MAP3K7CL: variants seen among roughly 807,000 people sequenced by gnomAD.
MAP3K7CL encodes MAP3K7 C-terminal-like protein.
MAP3K7CL carries 16 observed loss-of-function variants against 18.6 expected under a neutral mutation model. The observed-to-expected ratio is 0.86, with a 90% CI of 0.58 to 1.31. The LOEUF is 1.31. Ranked by LOEUF, MAP3K7CL falls within the 50% of genes most tolerant of loss-of-function variation. The probability of loss-of-function intolerance (pLI) is 0.00; values close to 1 mark genes in which losing one functional copy is unlikely to be tolerated. For synonymous variants in MAP3K7CL, 65 were observed against 66.8 expected, an observed-to-expected ratio of 0.97 and a Z score of 0.13; for missense variants, 163 against 174.4, an observed-to-expected ratio of 0.93 and a Z score of 0.37.
chr21:29,109,410 C>T, intron 4 of MAP3K7CL: 1 of 1,321,608 alleles, frequency 7.6e-7, no homozygotes, highest in South Asian at 2.0e-5. Context: ...AATGCTCAGC[C>T]AGGAGGTGTT....
intron 4 of MAP3K7CL, among the ~76,000 whole-genome samples, chr21:29,100,700 CTTTTTTTTTTTTTT>C (rs34749282): frequency 4.4e-5 from 3 of 68,690 alleles, no homozygotes; most frequent in Admixed American, 4.0e-4. Flanking sequence ...AAACAGCAAA[CTTTTTTTTTTTTTT>C]TTTTTTTTTT....
At chr21:29,121,801 G>A (rs1345481859) in intron 4 of MAP3K7CL, among the ~76,000 whole-genome samples, 1 of 151,580 alleles carries the variant, frequency 6.6e-6, no homozygotes, top group Non-Finnish European at 1.5e-5. Context: ...TAAGAGGCTT[G>A]TATTCATGGA....
At chr21:29,131,573 T>A (rs1334900520) in intron 1 of MAP3K7CL, 2 of 152,194 alleles carry the variant, frequency 1.3e-5, no homozygotes, top group Non-Finnish European at 2.9e-5. Flanking sequence ...TACTCTTTTT[T>A]AAAATTAAAT....
intron 4 of MAP3K7CL, among the ~76,000 whole-genome samples, chr21:29,097,025 C>A (rs1370974653): frequency 6.6e-6 from 1 of 152,130 alleles, no homozygotes; most frequent in Non-Finnish European, 1.5e-5. Flanking sequence ...CTTGGAAGAG[C>A]ACCATTTTTA....
At chr21:29,087,172 AGT>A (rs944896072) in intron 1 of MAP3K7CL, among the ~76,000 whole-genome samples, 12 of 152,038 alleles carry the variant, frequency 7.9e-5, no homozygotes, top group Admixed American at 6.5e-4. Context: ...CCCAGACCTT[AGT>A]GTGGTTGATG....
At chr21:29,116,758 CT>C (rs2146576246) in intron 4 of MAP3K7CL, among the ~76,000 whole-genome samples, 1 of 152,244 alleles carries the variant, frequency 6.6e-6, no homozygotes, top group African/African-American at 2.4e-5. Flanking sequence ...TAATTAGGCT[CT>C]TCAAAGAGTT....
chr21:29,110,569 A>T (rs1217488083), intron 4 of MAP3K7CL, among the ~76,000 whole-genome samples: 1 of 151,826 alleles, frequency 6.6e-6, no homozygotes, highest in Admixed American at 6.6e-5. Context: ...CCTAATTCTT[A>T]TATTTTTAGT....
At chr21:29,143,457 T>C (rs1238167045) in intron 2 of MAP3K7CL, among the ~76,000 whole-genome samples, 1 of 151,808 alleles carries the variant, frequency 6.6e-6, no homozygotes, top group Non-Finnish European at 1.5e-5. Context: ...AGTTTCACTC[T>C]TGTTGCCCAG....
chr21:29,148,388 G>A (rs2087193042), intron 2 of MAP3K7CL, among the ~76,000 whole-genome samples: 1 of 152,106 alleles, frequency 6.6e-6, no homozygotes, highest in African/African-American at 2.4e-5. Flanking sequence ...CTGCTTTCTA[G>A]CACCAAGGCT....
At chr21:29,150,563 G>A (rs2087244865) in intron 3 of MAP3K7CL, among the ~76,000 whole-genome samples, 1 of 152,160 alleles carries the variant, frequency 6.6e-6, no homozygotes, top group Admixed American at 6.5e-5. Context: ...CCACACAGCT[G>A]TCAAAAGAGC....
At chr21:29,163,560 T>A (rs1483989430) in intron 4 of MAP3K7CL, among the ~76,000 whole-genome samples, 1 of 152,188 alleles carries the variant, frequency 6.6e-6, no homozygotes, top group East Asian at 1.9e-4. Context: ...TTGGAACCTC[T>A]GTAGAACTTC....
rs139525897 is a variant in MAP3K7CL at position 29,162,763 on chromosome 21, T to C, written c.248+2707T>C. Among the ~76,000 whole-genome samples the C allele has an allele frequency of 1.4e-3, 211 of 151,996 alleles. 2 individuals carry two copies. The highest frequency in any genetic ancestry group is 5.4e-3 in the Admixed American group (83 of 15,262). On this transcript the variant is annotated intron_variant, in intron 4 of 4. Coordinates refer to ENST00000399928, the MANE Select transcript of MAP3K7CL (RefSeq NM_001286620.2). ...TAATGTTTGAAACATATCCTTACTGTTTACATTGAAAGCAATGATAACTCT... is the reference window on the plus strand; with the variant it reads ...TAATGTTTGAAACATATCCTTACTGCTTACATTGAAAGCAATGATAACTCT...
intron 2 of MAP3K7CL, among the ~76,000 whole-genome samples, chr21:29,141,506 C>T (rs1026267171): frequency 2.2e-4 from 31 of 141,662 alleles, no homozygotes; most frequent in Non-Finnish European, 4.5e-4. Flanking sequence ...CAGCGAGACT[C>T]CATCTCAAAA....
intron 2 of MAP3K7CL, among the ~76,000 whole-genome samples, chr21:29,138,934 C>T (rs1004666271): frequency 5.3e-5 from 8 of 152,176 alleles, no homozygotes; most frequent in Admixed American, 2.0e-4. Context: ...CACTGCACTC[C>T]AGCCTGGGTG....
intron 1 of MAP3K7CL, among the ~76,000 whole-genome samples, chr21:29,131,696 A>T (rs904541597): frequency 6.6e-6 from 1 of 152,240 alleles, no homozygotes; most frequent in Non-Finnish European, 1.5e-5. Context: ...TATGATTCTA[A>T]CTGGATAATA....
Position 29,174,734 on chromosome 21 carries a change from G to T in MAP3K7CL, c.271G>T (p.Asp91Tyr). ...QRKKELIAKL[D>Y]QAEKEKVDAA... ...CAGGAAGGAGCTCATTGCCAAGTTA[G>T]ATCAGGCAGAAAAGGAGAAGGTGGA... Residue 91 changes from aspartate to tyrosine, a missense_variant, in exon 5 of 5, where the codon GAT becomes TAT. Physicochemically the swap from Asp to Tyr is radical, Grantham distance 160. Transcript: ENST00000399928. 1 of 1,614,154 alleles carries T rather than the reference G, an allele frequency of 6.2e-7. No individual in the cohort carries two copies. Among genetic ancestry groups the T allele is most frequent in the Non-Finnish European group, 8.5e-7 (1 of 1,180,010 alleles).
intron 4 of MAP3K7CL, among the ~76,000 whole-genome samples, chr21:29,112,994 G>A (rs2086445538): frequency 6.6e-6 from 1 of 152,132 alleles, no homozygotes; most frequent in Non-Finnish European, 1.5e-5. Flanking sequence ...ACTTTTAGTA[G>A]AGACGGGTTT....
At chr21:29,107,247 G>A (rs925313974) in intron 4 of MAP3K7CL, among the ~76,000 whole-genome samples, 25 of 152,142 alleles carry the variant, frequency 1.6e-4, no homozygotes, top group African/African-American at 5.3e-4. Context: ...CACAGGAGGC[G>A]GAGGTTGCAG....
At chr21:29,097,010 A>G (rs1428824296) in intron 4 of MAP3K7CL, among the ~76,000 whole-genome samples, 8 of 152,218 alleles carry the variant, frequency 5.3e-5, no homozygotes, top group Admixed American at 6.5e-5. Context: ...GAACTCTGAT[A>G]GGAACTTGGA....
Sources: gnomAD v4.1 joint callset for allele counts (sites outside exome capture counted in the v4.1 genomes callset) on GRCh38, gnomAD v4.1.1 for gene constraint, MANE v1.5 for transcripts, NCBI Gene and HGNC (gene_info 2026-07-23, HGNC 2026-07-21) for gene names.